The following ZNF7 variants were observed in gnomAD, a reference collection of about 807,000 sequenced individuals.
ZNF7 encodes zinc finger protein 7, also known as C2-H2 type zinc finger protein.
ZNF7 carries 10 observed loss-of-function variants against 12.0 expected under a neutral mutation model. The ratio of observed to expected loss-of-function variants is 0.83; its 90% CI spans 0.51 to 1.42. ZNF7 has a LOEUF of 1.42. Among genes scored for constraint, ZNF7 ranks in the 40% most tolerant of loss-of-function variants. The pLI is 0.00. For synonymous variants in ZNF7, 334 were observed against 295.0 expected (o/e 1.13, Z -1.35); for missense variants, 854 against 837.2 (o/e 1.02, Z -0.25).
At chr8:144,838,352 C>G in intron 4 of ZNF7, 3 of 567,942 alleles carry the variant, frequency 5.3e-6, no homozygotes, top group Non-Finnish European at 9.5e-6. Flanking sequence ...AGGACTTCAG[C>G]CTATCTTGGG....
intron 3 of ZNF7, chr8:144,835,306 T>A (rs572152252): frequency 6.6e-6 from 1 of 151,828 alleles, no homozygotes; most frequent in East Asian, 2.0e-4. Context: ...TGGGCTCAAG[T>A]GATTCTTCCA....
At chr8:144,831,016 T>C in intron 3 of ZNF7, 1 of 456,312 alleles carries the variant, frequency 2.2e-6, no homozygotes, top group Non-Finnish European at 4.4e-6. Context: ...CATCTAGAGG[T>C]GCTGCAGCTT....
chr8:144,827,633 A>G, intron 1 of ZNF7, 24 bp downstream of exon 1: 1 of 985,212 alleles, frequency 1.0e-6, no homozygotes, highest in Non-Finnish European at 1.2e-6. Context: ...GCGGGCGCGG[A>G]CTCGGGTTGC....
intron 3 of ZNF7, chr8:144,835,544 TTC>T (rs775199783): frequency 6.6e-6 from 1 of 152,126 alleles, no homozygotes; most frequent in African/African-American, 2.4e-5. Flanking sequence ...GTGTCTCTTA[TTC>T]TCTGTTTTTT....
chr8:144,842,244 G>A lies in ZNF7; in HGVS notation c.1137G>A (p.Gln379=), dbSNP rs753050056. Residue 379 remains glutamine, a synonymous_variant, in exon 5 of 5, where the codon CAG becomes CAA. Coordinates refer to ENST00000532777, the MANE Select transcript of ZNF7 (RefSeq NM_003416.4). The stretch of plus-strand genomic sequence containing the variant: ...TCAGCCAGAGCTCCACCCTAGCCCA[G>A]CATCAAAGGATGCATACTGGGGAGA... ...KAFSQSSTLA[Q]HQRMHTGEKA... is the part of the protein sequence containing the mutation. 1.9e-6 allele frequency: 3 copies of A among 1,614,070 alleles called. No homozygotes were observed. The highest frequency in any genetic ancestry group is 2.5e-6 in the Non-Finnish European group (3 of 1,180,022).
In ZNF7 at chr8:144,842,670, A is replaced by T; in HGVS notation, c.1563A>T (p.Gly521=). The T allele has an allele frequency of 6.2e-7, 1 of 1,614,172 alleles. No homozygotes were observed. Residue 521 remains glycine, a synonymous_variant, in exon 5 of 5, where the codon GGA becomes GGT. Coordinates refer to ENST00000532777, the MANE Select transcript of ZNF7 (RefSeq NM_003416.4). ...TTTACCATCAGAGAATCCATAAAGGAGAGAAGCCCTACGAATGCCTCCAAT... is the reference window on the plus strand; with the variant it reads ...TTTACCATCAGAGAATCCATAAAGGTGAGAAGCCCTACGAATGCCTCCAAT... ...SLIYHQRIHK[G]EKPYECLQCG...
Position 144,842,659 on chromosome 8 carries a change from A to C in ZNF7, c.1552A>C (p.Ile518Leu). The change falls in exon 5 of 5, where the codon ATC becomes CTC. Residue 518 changes from isoleucine (I) to leucine (L), a missense_variant. By Grantham distance (5) the Ile-to-Leu change is conservative. Coordinates refer to ENST00000532777, the MANE Select transcript of ZNF7 (RefSeq NM_003416.4). ...TTCCAGCCTTATTTACCATCAGAGA[A>C]TCCATAAAGGAGAGAAGCCCTACGA... ...QSSSLIYHQRIHKGEKPYECL... is the reference protein window; with the variant it reads ...QSSSLIYHQRLHKGEKPYECL... 1 of 1,614,212 alleles carries C rather than the reference A, an allele frequency of 6.2e-7. No individual in the cohort carries two copies. The highest frequency in any genetic ancestry group is 1.1e-5 in the South Asian group (1 of 91,084).
At chr8:144,838,034 G>A in intron 4 of ZNF7, 1 of 697,742 alleles carries the variant, frequency 1.4e-6, no homozygotes, top group Admixed American at 2.0e-5. Context: ...TCTGAAACCG[G>A]GGGGTCAGCA....
rs1458983621 is a variant in ZNF7 at position 144,829,170 on chromosome 8, A to T, written c.3+80A>T. 39 of 1,604,312 alleles carry T rather than the reference A, an allele frequency of 2.4e-5. No individual in the cohort carries two copies. In the South Asian group the frequency reaches 3.9e-4, roughly 16 times the overall value. On this transcript the variant is annotated intron_variant, in intron 2 of 4. Transcript: ENST00000532777. ...TGCTCTGCCCACTGGCCCTGGGCCC[A>T]GACCCTACCTTGGCCCTTGCTGGGC...
chr8:144,841,770 A>G lies in ZNF7; in HGVS notation c.663A>G (p.Lys221=). The change falls in exon 5 of 5, where the codon AAA becomes AAG. Residue 221 remains lysine, a synonymous_variant. Transcript: ENST00000532777. ...IALHWEINTQ[K]ISRCQECQKK... is the part of the protein sequence containing the mutation. The stretch of plus-strand genomic sequence containing the variant: ...TGCATTGGGAAATTAATACACAGAA[A>G]ATTAGCAGATGTCAAGAATGCCAAA... 6.2e-7 allele frequency: 1 copy of G among 1,614,106 alleles called. No individual in the cohort carries two copies. Among genetic ancestry groups the G allele is most frequent in the Non-Finnish European group, 8.5e-7 (1 of 1,180,022 alleles).
At chr8:144,840,588 C>T (rs538955197) in intron 4 of ZNF7, among the ~76,000 whole-genome samples, 2 of 152,260 alleles carry the variant, frequency 1.3e-5, no homozygotes, top group African/African-American at 4.8e-5. Context: ...GCAGAGGTGC[C>T]CTCTAGGGTT....
intron 3 of ZNF7, chr8:144,835,170 A>G (rs1229143970): frequency 2.0e-5 from 3 of 151,902 alleles, no homozygotes; most frequent in Non-Finnish European, 4.4e-5. Flanking sequence ...GGGGAAGGAA[A>G]GTCTTGGATT....
rs1346412010 is a variant in ZNF7, at chr8:144,829,475, C to T, written c.4-3C>T. The T allele has an allele frequency of 6.2e-7, 1 of 1,613,956 alleles. No individual in the cohort carries two copies. The highest frequency in any genetic ancestry group is 2.2e-5 in the East Asian group (1 of 44,896). The stretch of plus-strand genomic sequence containing the variant: ...CCTGGGGTGCTGGTGTGTGTCCTTT[C>T]AGGAGGTGGTAACATTTGGCGATGT... On this transcript the variant is annotated splice_region_variant and splice_polypyrimidine_tract_variant and intron_variant, in intron 2 of 4. Transcript: ENST00000532777.
downstream of ZNF7, chr8:144,846,558 A>T (rs936804280): frequency 5.2e-6 from 1 of 193,772 alleles, no homozygotes; most frequent in African/African-American, 2.3e-5. Context: ...CTGAAGGATT[A>T]TTTTTCCTCT....
chr8:144,838,231 A>G, intron 4 of ZNF7: 1 of 678,794 alleles, frequency 1.5e-6, no homozygotes, highest in Non-Finnish European at 2.7e-6. Context: ...ATCTCCTTAG[A>G]AGGACACCAG....
In ZNF7 at chr8:144,843,131, C is replaced by T; in HGVS notation, c.2024C>T (p.Ser675Leu). 2 of 1,606,368 alleles carry T rather than the reference C, an allele frequency of 1.2e-6. No homozygotes were observed. Among genetic ancestry groups the T allele is most frequent in the Non-Finnish European group, 1.7e-6 (2 of 1,176,786 alleles). ...NDCGKAFNRS[S>L]RLTQHQKIHM... ...TGTGGCAAAGCTTTTAATCGTAGCTCAAGGCTTACCCAGCATCAAAAAATT... is the reference window on the plus strand; with the variant it reads ...TGTGGCAAAGCTTTTAATCGTAGCTTAAGGCTTACCCAGCATCAAAAAATT... Residue 675 changes from serine (S) to leucine (L), a missense_variant, in exon 5 of 5, where the codon TCA (serine) becomes TTA (leucine). Physicochemically the swap from Ser to Leu is moderately radical, Grantham distance 145. Transcript: ENST00000532777.
At chr8:144,828,806 C>T in intron 1 of ZNF7, 1 of 574,622 alleles carries the variant, frequency 1.7e-6, no homozygotes, top group East Asian at 2.9e-5. Flanking sequence ...GCATCCACTT[C>T]TTACGGCTTT....
At position 144,843,374 on chromosome 8, in the gene ZNF7, G is replaced by T; in HGVS notation, c.*206G>T. 1.8e-6 allele frequency: 1 copy of T among 542,124 alleles called. No individual in the cohort carries two copies. The highest frequency in any genetic ancestry group is 3.1e-6 in the Non-Finnish European group (1 of 325,126). 33.6% of individuals were successfully genotyped at this position (542,124 alleles called of 1,614,324 possible). ...GGAGGCCAAGGCGGGCACATCACGA[G>T]GTCAGGAGGTTGAGACCATCCTGGG... On this transcript the variant is annotated 3_prime_UTR_variant, in exon 5 of 5. Coordinates refer to ENST00000532777, the MANE Select transcript of ZNF7 (RefSeq NM_003416.4).
chr8:144,828,982 A>T, intron 1 of ZNF7, 61 bp from the exon 2 acceptor site: 1 of 1,581,202 alleles, frequency 6.3e-7, no homozygotes, highest in Non-Finnish European at 8.6e-7. Context: ...TACCCCCTTG[A>T]TTAGCCTGGA....
Sources: gnomAD v4.1 joint callset for allele counts (sites outside exome capture counted in the v4.1 genomes callset) on GRCh38, gnomAD v4.1.1 for gene constraint, MANE v1.5 for transcripts, NCBI Gene and HGNC (gene_info 2026-07-23, HGNC 2026-07-21) for gene names.